ITSN2: variants seen among roughly 807,000 people sequenced by gnomAD.
ITSN2 encodes intersectin 2.
In ITSN2, 156 loss-of-function variants were observed where a neutral mutation model predicts 243.7. The ratio of observed to expected loss-of-function variants is 0.64; its 90% CI spans 0.56 to 0.73. ITSN2 has a LOEUF of 0.73. ITSN2 is among the 30% of genes least tolerant of loss of function. ITSN2 has a pLI of 0.00. For missense variants in ITSN2, 1,801 were observed against 1,996.1 expected (o/e 0.90, Z 1.86); for synonymous variants, 703 against 699.9 (o/e 1.00, Z -0.07).
intron 34 of ITSN2, 121 bp downstream of exon 34, chr2:24,210,659 C>T (rs1669388220): frequency 4.2e-6 from 3 of 715,022 alleles, no homozygotes; most frequent in Non-Finnish European, 6.4e-6. Flanking sequence ...TTTGCAGGGG[C>T]AGGGTGGTGA....
intron 25 of ITSN2, 26 bp from the exon 26 acceptor site, chr2:24,248,908 TTTA>T (rs764780100): frequency 1.2e-6 from 2 of 1,607,168 alleles, no homozygotes; most frequent in Non-Finnish European, 1.7e-6. Flanking sequence ...ACCGTGTTGT[TTTA>T]TTATTTCCAA....
At chr2:24,350,933 G>C (rs1687967347) in intron 1 of ITSN2, among the ~76,000 whole-genome samples, 6 of 152,130 alleles carry the variant, frequency 3.9e-5, no homozygotes, top group Admixed American at 3.9e-4. Flanking sequence ...TAGTGATACT[G>C]GTTGCACAAG....
At chr2:24,284,601 CAGAT>C (rs1679228591) in intron 17 of ITSN2, among the ~76,000 whole-genome samples, 158 bp downstream of exon 17, 1 of 151,858 alleles carries the variant, frequency 6.6e-6, no homozygotes, top group South Asian at 2.1e-4. Flanking sequence ...AACAGGCAGT[CAGAT>C]AGCAGAAGGA....
At chr2:24,327,623 A>G (rs1396650771) in intron 2 of ITSN2, among the ~76,000 whole-genome samples, 2 of 152,140 alleles carry the variant, frequency 1.3e-5, no homozygotes, top group African/African-American at 2.4e-5. Flanking sequence ...AATGTTTGAT[A>G]TTAAACAATT....
chr2:24,216,167 A>G lies in ITSN2; in HGVS notation c.3872T>C (p.Leu1291Pro). Residue 1291 changes from leucine to proline, a missense_variant, in exon 32 of 40, where the codon CTG becomes CCG. This residue lies in a region of ITSN2 where 928 missense variants were observed against 1,065.4 expected (regional missense o/e 0.87). Coordinates refer to ENST00000355123, the MANE Select transcript of ITSN2 (RefSeq NM_006277.3). ...CTGCATGTGGGACAGCTCAGCGGCC[A>G]GGATGTCCCCAATCATCTGCACCGG... ...KMPVQMIGDI[L>P]AAELSHMQAY... The G allele has an allele frequency of 6.2e-7, 1 of 1,612,616 alleles. No homozygotes were observed. The highest frequency in any genetic ancestry group is 1.1e-5 in the South Asian group (1 of 90,858).
intron 20 of ITSN2, among the ~76,000 whole-genome samples, chr2:24,269,428 CAACTCATGACTGACAGTAGT>C (rs902183042): frequency 4.6e-5 from 7 of 152,178 alleles, no homozygotes; most frequent in Non-Finnish European, 1.0e-4. Flanking sequence ...TCAAATCAGG[CAACTCATGACTGACAGTAGT>C]AACTCATGAC....
intron 29 of ITSN2, among the ~76,000 whole-genome samples, chr2:24,223,615 G>A (rs1314771583): frequency 6.7e-6 from 1 of 149,314 alleles, no homozygotes; most frequent in Non-Finnish European, 1.5e-5. Context: ...GAGTCTGAGA[G>A]TTCAAGTTTG....
rs185538803 is a variant in ITSN2 at position 24,352,016 on chromosome 2, G to C, written c.-34+8288C>G. On this transcript the variant is annotated intron_variant, in intron 1 of 39. Coordinates refer to ENST00000355123, the MANE Select transcript of ITSN2 (RefSeq NM_006277.3). ...TCTTATATCTGTGAAATTGTTAACA[G>C]TATATTGTTATAATTGTTCAATTTT... Among the ~76,000 whole-genome samples the C allele has an allele frequency of 4.6e-5, 7 of 152,244 alleles. No individual in the cohort carries two copies. In the East Asian group the frequency reaches 1.3e-3, roughly 29 times the overall value.
chr2:24,333,952 C>T (rs1686060632), intron 1 of ITSN2, among the ~76,000 whole-genome samples: 1 of 152,196 alleles, frequency 6.6e-6, no homozygotes, highest in Non-Finnish European at 1.5e-5. Context: ...TGCAGTGGCA[C>T]AATCTCGGCT....
chr2:24,351,559 T>C (rs1688022393), intron 1 of ITSN2, among the ~76,000 whole-genome samples: 1 of 152,200 alleles, frequency 6.6e-6, no homozygotes, highest in Admixed American at 6.5e-5. Context: ...TTCTGAAGTT[T>C]CAGTTACCTG....
Position 24,270,700 on chromosome 2 carries a change from T to C in ITSN2, c.2326A>G (p.Met776Val), listed in dbSNP as rs762475726. 4 of 1,597,728 alleles carry C rather than the reference T, an allele frequency of 2.5e-6. No homozygotes were observed. In the Admixed American group the frequency reaches 5.1e-5, roughly 20 times the overall value. The change falls in exon 20 of 40, where the codon ATG becomes GTG. Residue 776 changes from methionine (M) to valine (V), a missense_variant. Coordinates refer to ENST00000355123, the MANE Select transcript of ITSN2 (RefSeq NM_006277.3). The part of the protein sequence containing the change: ...YPFEARNHDE[M>V]SFNSGDIIQV... The stretch of plus-strand genomic sequence containing the variant: ...ATTATATCTCCAGAATTAAAACTCA[T>C]CTCATCATGGTTCCTTGCTTCAAAG...
At chr2:24,224,905 C>T (rs1036775377) in intron 29 of ITSN2, among the ~76,000 whole-genome samples, 1 of 152,214 alleles carries the variant, frequency 6.6e-6, no homozygotes, top group Non-Finnish European at 1.5e-5. Context: ...GCTGGGATTA[C>T]AGGCGTGAGC....
Position 24,330,544 on chromosome 2 carries a change from A to G in ITSN2, c.-33-2429T>C, listed in dbSNP as rs1430465992. Reference sequence around the variant, plus strand: ...AAGCCTGAAAAGGCCCCTGCAAAGAAGGGAGAGAAGGTACCCAAAGGGAAA... The same window carrying G: ...AAGCCTGAAAAGGCCCCTGCAAAGAGGGGAGAGAAGGTACCCAAAGGGAAA... On this transcript the variant is annotated intron_variant, in intron 1 of 39. Coordinates refer to ENST00000355123, the MANE Select transcript of ITSN2 (RefSeq NM_006277.3). 27 of 778,928 alleles carry G rather than the reference A, an allele frequency of 3.5e-5. No individual in the cohort carries two copies. The Admixed American group carries it at 4.7e-4, about 14-fold the overall frequency. The allele number at this position is 778,928 out of a possible 1,614,324, so 48.3% of individuals were successfully genotyped here.
In ITSN2 at chr2:24,287,747, T is replaced by C. The variant is rs771031311; in HGVS notation, c.1724-1396A>G. ...AACAGCCATCCTACCAGGTGTGAGG[T>C]GATATTATATTTCAATGTGGTTTAG... On this transcript the variant is annotated intron_variant, in intron 15 of 39. Transcript: ENST00000355123. Among the ~76,000 whole-genome samples the C allele has an allele frequency of 4.6e-4, 70 of 152,140 alleles. 1 individual carries two copies. Among genetic ancestry groups the C allele is most frequent in the Non-Finnish European group, 9.7e-4 (66 of 67,926 alleles).
chr2:24,240,229 AAGC>A (rs1458408663), intron 29 of ITSN2: 1 of 152,166 alleles, frequency 6.6e-6, no homozygotes, highest in African/African-American at 2.4e-5. Context: ...AAGAATGCAA[AAGC>A]AGCAAGTTCA....
chr2:24,338,240 T>C (rs958400557), intron 1 of ITSN2, among the ~76,000 whole-genome samples: 1 of 152,370 alleles, frequency 6.6e-6, no homozygotes, highest in East Asian at 1.9e-4. Context: ...TTCCTTTCTA[T>C]TGATCCCAGG....
At chr2:24,279,581 T>C (rs1038632042) in intron 17 of ITSN2, among the ~76,000 whole-genome samples, 4 of 152,198 alleles carry the variant, frequency 2.6e-5, no homozygotes, top group Non-Finnish European at 4.4e-5. Flanking sequence ...CAGCATGTTT[T>C]GTAAAGGAAG....
chr2:24,216,942 G>A (rs1301239280), intron 31 of ITSN2, among the ~76,000 whole-genome samples: 1 of 151,982 alleles, frequency 6.6e-6, no homozygotes, highest in African/African-American at 2.4e-5. Flanking sequence ...AAAATTAGCC[G>A]GGCGCAGTGG....
At chr2:24,216,660 A>G (rs773986676) in intron 31 of ITSN2, among the ~76,000 whole-genome samples, 1 of 151,906 alleles carries the variant, frequency 6.6e-6, no homozygotes, top group Non-Finnish European at 1.5e-5. Flanking sequence ...AGGCTGAGGT[A>G]GGAGGATTGC....
Sources: allele counts gnomAD v4.1 joint callset (sites outside exome capture counted in the v4.1 genomes callset), GRCh38; gene constraint gnomAD v4.1.1; regional missense constraint gnomAD v4.1.1; transcripts MANE v1.5; gene names NCBI Gene and HGNC (gene_info 2026-07-23, HGNC 2026-07-21).